MYO10: variants seen among roughly 807,000 people sequenced by gnomAD.
MYO10 encodes the protein myosin X, also known as unconventional myosin-X.
In MYO10, 133 loss-of-function variants were observed where a neutral mutation model predicts 257.3. That is an observed-to-expected ratio of 0.52 (90% CI 0.45 to 0.60). MYO10 has a LOEUF of 0.60. MYO10 is among the 20% of genes least tolerant of loss of function. The pLI is 0.00. For missense variants in MYO10, 2,399 were observed against 2,635.7 expected, an observed-to-expected ratio of 0.91 and a Z score of 1.97; for synonymous variants, 1,104 against 1,028.6, an observed-to-expected ratio of 1.07 and a Z score of -1.40.
At chr5:16,896,009 T>C (rs1018733839) in intron 1 of MYO10, among the ~76,000 whole-genome samples, 2 of 152,182 alleles carry the variant, frequency 1.3e-5, no homozygotes, top group Admixed American at 6.5e-5. Flanking sequence ...CCCCAGCTCC[T>C]GCCCTCTCCG....
chr5:16,804,959 A>G (rs190859254), intron 3 of MYO10, among the ~76,000 whole-genome samples: 1 of 152,326 alleles, frequency 6.6e-6, no homozygotes, highest in East Asian at 1.9e-4. Flanking sequence ...AAATAATTAC[A>G]GTCAAGGACA....
chr5:16,809,823 C>T (rs748449928), intron 3 of MYO10, among the ~76,000 whole-genome samples: 9 of 152,080 alleles, frequency 5.9e-5, no homozygotes, highest in Non-Finnish European at 1.3e-4. Flanking sequence ...ACAAACTAAC[C>T]AAAAGGCTGG....
intron 2 of MYO10, among the ~76,000 whole-genome samples, chr5:16,840,137 G>C (rs1743432633): frequency 6.6e-6 from 1 of 152,216 alleles, no homozygotes; most frequent in South Asian, 2.1e-4. Flanking sequence ...AACAGGCCGG[G>C]CATGGTGGCT....
At chr5:16,917,707 G>GA (rs1183719045) in intron 1 of MYO10, among the ~76,000 whole-genome samples, 131 of 145,150 alleles carry the variant, frequency 9.0e-4, no homozygotes, top group Non-Finnish European at 1.0e-3. Context: ...AAAAAAAAAG[G>GA]AAAAAAAAAA....
intron 30 of MYO10, among the ~76,000 whole-genome samples, chr5:16,683,435 G>A (rs1412756543): frequency 6.6e-6 from 1 of 152,108 alleles, no homozygotes; most frequent in Admixed American, 6.5e-5. Flanking sequence ...AAATGTCAAG[G>A]AAAATCAATG....
chr5:16,763,721 G>A lies in MYO10; in HGVS notation c.1361C>T (p.Ala454Val), dbSNP rs766910138. 6.2e-7 allele frequency: 1 copy of A among 1,608,120 alleles called. No individual in the cohort carries two copies. Among genetic ancestry groups the A allele is most frequent in the Non-Finnish European group, 8.5e-7 (1 of 1,175,346 alleles). Reference protein sequence around the residue: ...NHFEQFNINYANEKLQEYFNK... With the variant: ...NHFEQFNINYVNEKLQEYFNK... ...GAAGTACTCCTGAAGTTTCTCGTTT[G>A]CATAGTTTATATTGAACTGTTCAAA... The change falls in exon 13 of 41, where the codon GCA becomes GTA. Residue 454 changes from alanine (A) to valine (V), a missense_variant. Coordinates refer to ENST00000513610, the MANE Select transcript of MYO10 (RefSeq NM_012334.3).
intron 34 of MYO10, 27 bp from the exon 35 acceptor site, chr5:16,675,177 C>T (rs1372790568): frequency 6.2e-7 from 1 of 1,609,930 alleles, no homozygotes; most frequent in Admixed American, 1.7e-5. Context: ...AAACACGGAA[C>T]TCATCTGAGG....
At chr5:16,702,762 C>A (rs2126555569) in intron 23 of MYO10, among the ~76,000 whole-genome samples, 163 bp downstream of exon 23, 1 of 152,314 alleles carries the variant, frequency 6.6e-6, no homozygotes, top group Non-Finnish European at 1.5e-5. Flanking sequence ...AGAACTGGGT[C>A]TTTAATGCTG....
intron 19 of MYO10, among the ~76,000 whole-genome samples, chr5:16,717,891 G>A (rs1561206413): frequency 2.0e-5 from 3 of 152,212 alleles, no homozygotes; most frequent in South Asian, 4.1e-4. Context: ...CACTGTGGAA[G>A]CCCCTTTCTG....
intron 2 of MYO10, among the ~76,000 whole-genome samples, chr5:16,843,356 A>G (rs1743540503): frequency 6.6e-6 from 1 of 152,198 alleles, no homozygotes; most frequent in Non-Finnish European, 1.5e-5. Flanking sequence ...ACATACATAC[A>G]TATAATTATG....
chr5:16,754,059 A>G (rs1740459467), intron 19 of MYO10, among the ~76,000 whole-genome samples: 1 of 152,202 alleles, frequency 6.6e-6, no homozygotes, highest in African/African-American at 2.4e-5. Context: ...CAATTAAATT[A>G]CATAAAAATT....
At chr5:16,781,565 G>T in intron 6 of MYO10, 140 bp downstream of exon 6, 1 of 882,102 alleles carries the variant, frequency 1.1e-6, no homozygotes, top group South Asian at 1.8e-5. Flanking sequence ...ACTAACATTA[G>T]AGCAATAACT....
chr5:16,700,952 C>A lies in MYO10; in HGVS notation c.3432+11G>T. Reference sequence around the variant, plus strand: ...ACCCATTTCACTGGGACACGCCAGGCAGGTACTTACCGAGGACTGCGCCCC... The same window carrying A: ...ACCCATTTCACTGGGACACGCCAGGAAGGTACTTACCGAGGACTGCGCCCC... On this transcript the variant is annotated intron_variant, in intron 25 of 40. Transcript: ENST00000513610. The A allele has an allele frequency of 6.5e-7, 1 of 1,539,938 alleles. No homozygotes were observed. Among genetic ancestry groups the A allele is most frequent in the South Asian group, 1.2e-5 (1 of 82,516 alleles).
intron 1 of MYO10, among the ~76,000 whole-genome samples, chr5:16,888,974 A>C (rs1178258908): frequency 1.3e-5 from 2 of 151,938 alleles, no homozygotes; most frequent in Non-Finnish European, 1.5e-5. Flanking sequence ...GAAGTTTGAG[A>C]CTAGCCTGGG....
At chr5:16,797,120 A>T (rs1741995207) in intron 3 of MYO10, among the ~76,000 whole-genome samples, 2 of 152,180 alleles carry the variant, frequency 1.3e-5, no homozygotes, top group African/African-American at 4.8e-5. Flanking sequence ...GTTCAGTATA[A>T]CTTTTCAAAT....
intron 27 of MYO10, among the ~76,000 whole-genome samples, chr5:16,690,212 G>A (rs1737434898): frequency 6.6e-6 from 1 of 152,196 alleles, no homozygotes; most frequent in African/African-American, 2.4e-5. Context: ...ACTAGCTATT[G>A]TAAGTAATCT....
chr5:16,770,346 T>C (rs1165256146), intron 9 of MYO10, among the ~76,000 whole-genome samples: 1 of 152,162 alleles, frequency 6.6e-6, no homozygotes, highest in Non-Finnish European at 1.5e-5. Context: ...CTCCAAAGGA[T>C]TTTTTATGGT....
chr5:16,676,702 C>T (rs751772854), intron 33 of MYO10, among the ~76,000 whole-genome samples: 3 of 152,028 alleles, frequency 2.0e-5, no homozygotes, highest in Non-Finnish European at 2.9e-5. Context: ...GCTGACAGAG[C>T]GAGACTCCGT....
At chr5:16,847,241 C>G (rs1284671972) in intron 2 of MYO10, among the ~76,000 whole-genome samples, 1 of 151,876 alleles carries the variant, frequency 6.6e-6, no homozygotes, top group Non-Finnish European at 1.5e-5. Flanking sequence ...CTGGCTAACA[C>G]AGTGAAACCC....
Sources: gnomAD v4.1 joint callset for allele counts (sites outside exome capture counted in the v4.1 genomes callset) on GRCh38, gnomAD v4.1.1 for gene constraint, MANE v1.5 for transcripts, NCBI Gene and HGNC (gene_info 2026-07-23, HGNC 2026-07-21) for gene names.